The following ADAM22 variants were observed in gnomAD, a reference collection of about 807,000 sequenced individuals.
The protein encoded by ADAM22 is ADAM metallopeptidase domain 22.
A neutral mutation model predicts 144.6 loss-of-function variants in ADAM22; 65 were observed. The observed-to-expected ratio is 0.45, with a 90% CI of 0.37 to 0.55. ADAM22 has a LOEUF of 0.55. ADAM22 is among the 20% of genes least tolerant of loss of function. The pLI, the probability that ADAM22 is intolerant of heterozygous loss-of-function variation, is 0.00. For missense variants in ADAM22, 974 were observed against 1,184.9 expected (o/e 0.82, Z 2.61); for synonymous variants, 391 against 412.6 (o/e 0.95, Z 0.63).
intron 3 of ADAM22, among the ~76,000 whole-genome samples, chr7:88,009,122 A>G (rs1794740772): frequency 1.3e-5 from 2 of 152,112 alleles, no homozygotes; most frequent in South Asian, 4.1e-4. Context: ...GTGCAGTCTA[A>G]GATTTTATGG....
chr7:88,081,565 A>T (rs943482291), intron 4 of ADAM22, among the ~76,000 whole-genome samples: 1 of 151,468 alleles, frequency 6.6e-6, no homozygotes, highest in Non-Finnish European at 1.5e-5. Flanking sequence ...CTGTTTGCAG[A>T]TGACATGATT....
At chr7:88,066,985 C>T (rs1041234240) in intron 3 of ADAM22, among the ~76,000 whole-genome samples, 1 of 152,078 alleles carries the variant, frequency 6.6e-6, no homozygotes, top group Non-Finnish European at 1.5e-5. Flanking sequence ...ATCTGATTTT[C>T]AAGTGATTAA....
At chr7:88,067,320 T>A (rs1811507193) in intron 3 of ADAM22, among the ~76,000 whole-genome samples, 1 of 151,340 alleles carries the variant, frequency 6.6e-6, no homozygotes, top group Non-Finnish European at 1.5e-5. Flanking sequence ...TATGTATACA[T>A]GTGCCATGCT....
At chr7:88,099,941 A>G (rs1218502367) in intron 4 of ADAM22, among the ~76,000 whole-genome samples, 1 of 152,182 alleles carries the variant, frequency 6.6e-6, no homozygotes, top group Non-Finnish European at 1.5e-5. Flanking sequence ...GAACCTAACC[A>G]CTAATGCAAT....
At chr7:88,153,108 T>C in intron 20 of ADAM22, 113 bp from the exon 21 acceptor site, 1 of 629,318 alleles carries the variant, frequency 1.6e-6, no homozygotes, top group East Asian at 2.9e-5. Flanking sequence ...TTTTTGGAAT[T>C]GATAACACTG....
intron 3 of ADAM22, among the ~76,000 whole-genome samples, chr7:88,069,997 T>A (rs1812311768): frequency 6.6e-6 from 1 of 151,614 alleles, no homozygotes; most frequent in Non-Finnish European, 1.5e-5. Context: ...CAACATTTAT[T>A]TTTTTTTTAA....
chr7:88,052,767 C>T (rs959055890), intron 3 of ADAM22, among the ~76,000 whole-genome samples: 3 of 152,138 alleles, frequency 2.0e-5, no homozygotes, highest in East Asian at 1.9e-4. Flanking sequence ...CCATGTCCTT[C>T]CCCGGTCAGC....
chr7:87,979,583 C>CTT (rs1477204673), intron 3 of ADAM22, among the ~76,000 whole-genome samples: 2 of 152,184 alleles, frequency 1.3e-5, no homozygotes, highest in East Asian at 3.9e-4. Flanking sequence ...GTATGGCCAT[C>CTT]TAATATTTGA....
intron 24 of ADAM22, among the ~76,000 whole-genome samples, chr7:88,166,529 T>C (rs1842974563): frequency 6.6e-6 from 1 of 152,134 alleles, no homozygotes; most frequent in Non-Finnish European, 1.5e-5. Context: ...AAAGAACTTA[T>C]ACATTGGAGG....
At chr7:88,068,187 A>G (rs1265501006) in intron 3 of ADAM22, among the ~76,000 whole-genome samples, 1 of 152,150 alleles carries the variant, frequency 6.6e-6, no homozygotes, top group Non-Finnish European at 1.5e-5. Flanking sequence ...AGAAACTAAG[A>G]AAATAAAGAT....
At chr7:87,967,607 G>A (rs1293765883) in intron 2 of ADAM22, among the ~76,000 whole-genome samples, 8 of 151,804 alleles carry the variant, frequency 5.3e-5, no homozygotes, top group African/African-American at 1.2e-4. Flanking sequence ...TCAGGAGTTC[G>A]AGACCAGCCT....
intron 31 of ADAM22, among the ~76,000 whole-genome samples, chr7:88,193,451 G>A (rs754721064): frequency 6.6e-6 from 1 of 152,112 alleles, no homozygotes; most frequent in African/African-American, 2.4e-5. Context: ...GGTACATTTT[G>A]TGTAATTAAT....
chr7:87,973,613 G>A (rs550065658), intron 2 of ADAM22, among the ~76,000 whole-genome samples: 42 of 152,012 alleles, frequency 2.8e-4, no homozygotes, highest in East Asian at 5.8e-4. Context: ...ATTATAAATC[G>A]TGCTGCTATA....
intron 3 of ADAM22, among the ~76,000 whole-genome samples, chr7:88,067,680 A>C (rs1340165983): frequency 6.6e-6 from 1 of 152,112 alleles, no homozygotes; most frequent in Admixed American, 6.6e-5. Context: ...TAGGAACAGG[A>C]TTCTATAAAT....
chr7:88,132,973 A>G (rs1460229558), intron 12 of ADAM22, 22 bp downstream of exon 12: 2 of 1,605,152 alleles, frequency 1.2e-6, no homozygotes, highest in Admixed American at 3.4e-5. Context: ...CATCTGTACA[A>G]TACAAAGTGG....
intron 31 of ADAM22, among the ~76,000 whole-genome samples, chr7:88,195,703 A>G (rs978489531): frequency 8.1e-4 from 122 of 151,048 alleles, no homozygotes; most frequent in African/African-American, 2.8e-3. Context: ...ATTTTTAGTA[A>G]AGACGGGGTT....
intron 26 of ADAM22, among the ~76,000 whole-genome samples, chr7:88,176,532 A>G (rs1236637904): frequency 6.6e-6 from 1 of 152,208 alleles, no homozygotes; most frequent in Non-Finnish European, 1.5e-5. Flanking sequence ...CAGAGAAGTT[A>G]CATTGAAGGG....
At chr7:87,996,753 T>C (rs1791334053) in intron 3 of ADAM22, among the ~76,000 whole-genome samples, 1 of 152,248 alleles carries the variant, frequency 6.6e-6, no homozygotes, top group Admixed American at 6.5e-5. Context: ...GAGGCAGTGT[T>C]ACCAAATTGG....
chr7:88,006,356 A>G (rs1035350400), intron 3 of ADAM22, among the ~76,000 whole-genome samples: 4 of 152,070 alleles, frequency 2.6e-5, no homozygotes, highest in African/African-American at 7.2e-5. Flanking sequence ...TTCTGAAACT[A>G]TTCCAATCAA....
Sources: allele counts gnomAD v4.1 joint callset (sites outside exome capture counted in the v4.1 genomes callset), GRCh38; gene constraint gnomAD v4.1.1; transcripts MANE v1.5; gene names NCBI Gene and HGNC (gene_info 2026-07-23, HGNC 2026-07-21).